Variants in ZBTB20 observed in about 807,000 individuals in gnomAD.
ZBTB20 encodes zinc finger and BTB domain containing 20.
In ZBTB20, 9 loss-of-function variants were observed where a neutral mutation model predicts 56.9. The ratio of observed to expected loss-of-function variants is 0.16; its 90% CI spans 0.10 to 0.28. ZBTB20 has a LOEUF of 0.28. Ranked by LOEUF, ZBTB20 falls within the 10% of genes least tolerant of loss-of-function variation. The probability of loss-of-function intolerance (pLI) is 1.00; values close to 1 mark genes in which losing one functional copy is unlikely to be tolerated. For missense variants in ZBTB20, 655 were observed against 1,003.0 expected, an observed-to-expected ratio of 0.65 and a Z score of 4.69; for synonymous variants, 417 against 420.7, an observed-to-expected ratio of 0.99 and a Z score of 0.11.
At chr3:114,946,684 T>C (rs1392227035) in intron 3 of ZBTB20, among the ~76,000 whole-genome samples, 1 of 145,716 alleles carries the variant, frequency 6.9e-6, no homozygotes. Context: ...AAATCCTTCA[T>C]AGTACTACGT....
intron 7 of ZBTB20, among the ~76,000 whole-genome samples, chr3:114,429,492 C>T (rs372206972): frequency 1.3e-5 from 2 of 152,120 alleles, no homozygotes; most frequent in Non-Finnish European, 2.9e-5. Context: ...TGCCCTAACT[C>T]GGTAGCTCAG....
At chr3:114,699,306 T>C (rs185393666) in intron 5 of ZBTB20, among the ~76,000 whole-genome samples, 1 of 152,236 alleles carries the variant, frequency 6.6e-6, no homozygotes, top group East Asian at 1.9e-4. Flanking sequence ...GAGACAAATG[T>C]AGCCATTTAG....
At chr3:115,008,545 T>C (rs2079567182) in intron 2 of ZBTB20, among the ~76,000 whole-genome samples, 1 of 151,900 alleles carries the variant, frequency 6.6e-6, no homozygotes, top group Non-Finnish European at 1.5e-5. Context: ...GATAGAAGGA[T>C]CATTCAATAA....
Position 114,316,737 on chromosome 3 carries a change from TGAG to T in ZBTB20, c.*22265_*22267del. 1 of 372,372 alleles carries T rather than the reference TGAG, an allele frequency of 2.7e-6. No individual in the cohort carries two copies. The highest frequency in any genetic ancestry group is 2.2e-5 in the South Asian group (1 of 44,640). The allele number at this position is 372,372 out of a possible 1,614,324, so 23.1% of individuals were successfully genotyped here. ...CTGATTCCTTGGAAAACATTTTTGATGAGAAAAATCTGACAGTTCTCAGCCCCA... is the reference window on the plus strand; with the variant it reads ...CTGATTCCTTGGAAAACATTTTTGATAAAAATCTGACAGTTCTCAGCCCCA... On this transcript the variant is annotated 3_prime_UTR_variant, in exon 12 of 12. Coordinates refer to ENST00000675478, the MANE Select transcript of ZBTB20 (RefSeq NM_001348800.3).
intron 5 of ZBTB20, among the ~76,000 whole-genome samples, chr3:114,796,728 T>C (rs1159163589): frequency 6.6e-6 from 1 of 151,904 alleles, no homozygotes; most frequent in Non-Finnish European, 1.5e-5. Context: ...TTAGAGAAGC[T>C]AGGATAGTCA....
At chr3:114,968,532 G>A (rs1046000864) in intron 3 of ZBTB20, among the ~76,000 whole-genome samples, 6 of 152,302 alleles carry the variant, frequency 3.9e-5, no homozygotes, top group Non-Finnish European at 5.9e-5. Flanking sequence ...GAATAAGCAT[G>A]CAGGTTGGAA....
intron 2 of ZBTB20, among the ~76,000 whole-genome samples, chr3:115,053,569 TA>T (rs938825024): frequency 5.3e-5 from 8 of 152,318 alleles, no homozygotes; most frequent in African/African-American, 1.9e-4. Flanking sequence ...ATTTCTTTTT[TA>T]AATGAATGCA....
chr3:114,990,658 T>G (rs2078762721), intron 2 of ZBTB20, among the ~76,000 whole-genome samples: 1 of 152,198 alleles, frequency 6.6e-6, no homozygotes, highest in Non-Finnish European at 1.5e-5. Flanking sequence ...TTCTATTGAT[T>G]GGAATAGTTT....
At chr3:114,420,491 G>A (rs2089051048) in intron 7 of ZBTB20, among the ~76,000 whole-genome samples, 2 of 152,136 alleles carry the variant, frequency 1.3e-5, no homozygotes, top group Admixed American at 1.3e-4. Flanking sequence ...TTGCCCGCCT[G>A]TGCACATACA....
chr3:114,373,700 A>C (rs372498108), intron 10 of ZBTB20, among the ~76,000 whole-genome samples: 7 of 152,158 alleles, frequency 4.6e-5, no homozygotes, highest in Admixed American at 3.3e-4. Context: ...TTATGTTCCA[A>C]AGTGTGGGGA....
At chr3:114,999,413 A>G (rs1452410352) in intron 2 of ZBTB20, among the ~76,000 whole-genome samples, 1 of 151,754 alleles carries the variant, frequency 6.6e-6, no homozygotes, top group Non-Finnish European at 1.5e-5. Context: ...AAAAACTTCA[A>G]ATATCATGTA....
intron 5 of ZBTB20, among the ~76,000 whole-genome samples, chr3:114,774,973 T>A (rs1196219279): frequency 6.6e-6 from 1 of 152,102 alleles, no homozygotes; most frequent in African/African-American, 2.4e-5. Flanking sequence ...TCTGAGCAGG[T>A]CCTTGCTATC....
At chr3:114,709,803 C>T (rs1309416286) in intron 5 of ZBTB20, among the ~76,000 whole-genome samples, 1 of 152,178 alleles carries the variant, frequency 6.6e-6, no homozygotes, top group Non-Finnish European at 1.5e-5. Context: ...ATTCATCTCC[C>T]TTAACTTCAC....
chr3:115,100,757 C>A (rs1293214330), intron 1 of ZBTB20, among the ~76,000 whole-genome samples: 2 of 152,158 alleles, frequency 1.3e-5, no homozygotes, highest in African/African-American at 4.8e-5. Flanking sequence ...TAGTGAAATG[C>A]ATAGCTTATT....
chr3:114,964,736 G>T (rs1341047885), intron 3 of ZBTB20, among the ~76,000 whole-genome samples: 1 of 152,070 alleles, frequency 6.6e-6, no homozygotes, highest in East Asian at 1.9e-4. Context: ...GAAGTTAGGG[G>T]CTCAAAGAGT....
At chr3:114,530,506 T>C (rs1329653477) in intron 6 of ZBTB20, among the ~76,000 whole-genome samples, 1 of 152,220 alleles carries the variant, frequency 6.6e-6, no homozygotes, top group Non-Finnish European at 1.5e-5. Context: ...TGCCTAATGA[T>C]GCATTTCTCA....
chr3:114,692,726 A>C (rs1385877631), intron 6 of ZBTB20, among the ~76,000 whole-genome samples: 4 of 152,098 alleles, frequency 2.6e-5, no homozygotes, highest in Non-Finnish European at 4.4e-5. Flanking sequence ...ATACACCCCC[A>C]GTCTTGACCT....
chr3:114,979,570 G>C (rs903678114), intron 2 of ZBTB20, among the ~76,000 whole-genome samples: 1 of 151,890 alleles, frequency 6.6e-6, no homozygotes, highest in Non-Finnish European at 1.5e-5. Flanking sequence ...AATAGAAACT[G>C]TTAAAGACCA....
chr3:114,817,494 G>A (rs989218883), intron 4 of ZBTB20, among the ~76,000 whole-genome samples: 1 of 149,496 alleles, frequency 6.7e-6, no homozygotes, highest in African/African-American at 2.5e-5. Flanking sequence ...CTATAGCCTG[G>A]GCAAAAAGAG....
Sources: allele counts gnomAD v4.1 joint callset (sites outside exome capture counted in the v4.1 genomes callset), GRCh38; gene constraint gnomAD v4.1.1; transcripts MANE v1.5; gene names NCBI Gene and HGNC (gene_info 2026-07-23, HGNC 2026-07-21).